Variants in PLXDC2 observed in about 807,000 individuals in gnomAD.
PLXDC2 encodes plexin domain-containing protein 2.
In PLXDC2, 40 loss-of-function variants were observed where a neutral mutation model predicts 68.9. The ratio of observed to expected loss-of-function variants is 0.58; its 90% confidence interval spans 0.45 to 0.76. The LOEUF is 0.76. Among genes scored for constraint, PLXDC2 ranks in the 30% least tolerant of loss-of-function variants. PLXDC2 has a pLI of 0.00. For synonymous variants in PLXDC2, 243 were observed against 234.2 expected (o/e 1.04, Z -0.34); for missense variants, 644 against 661.9 (o/e 0.97, Z 0.30).
At chr10:19,986,536 T>A (rs1177591346) in intron 1 of PLXDC2, among the ~76,000 whole-genome samples, 1 of 134,488 alleles carries the variant, frequency 7.4e-6, no homozygotes, top group African/African-American at 2.6e-5. Context: ...TGTTGATGGC[T>A]TAAAAAAAAA....
intron 1 of PLXDC2, among the ~76,000 whole-genome samples, chr10:19,879,290 T>C (rs1464030873): frequency 3.3e-5 from 5 of 152,168 alleles, no homozygotes; most frequent in African/African-American, 4.8e-5. Flanking sequence ...TTTGATGATT[T>C]ATAAAATACT....
At chr10:20,141,809 G>A (rs2248730) in intron 4 of PLXDC2, among the ~76,000 whole-genome samples, 137,907 of 151,860 alleles carry the variant, frequency 0.91, 62,795 homozygotes, top group Non-Finnish European at 0.94. Flanking sequence ...TGCTTGAGCT[G>A]TGTGAAATTA....
chr10:20,109,967 C>T, intron 4 of PLXDC2, among the ~76,000 whole-genome samples: 1 of 152,174 alleles, frequency 6.6e-6, no homozygotes, highest in East Asian at 1.9e-4. Context: ...GCTGAATCTG[C>T]TGCTTTTTCT....
chr10:19,823,544 A>G (rs1836517802), intron 1 of PLXDC2, among the ~76,000 whole-genome samples: 1 of 151,896 alleles, frequency 6.6e-6, no homozygotes, highest in Non-Finnish European at 1.5e-5. Context: ...TTAGCCAGGC[A>G]TGGTGGCATG....
At chr10:19,944,091 T>C (rs991144225) in intron 1 of PLXDC2, among the ~76,000 whole-genome samples, 8 of 152,244 alleles carry the variant, frequency 5.3e-5, no homozygotes, top group Non-Finnish European at 5.9e-5. Flanking sequence ...ATAACTGCAA[T>C]GTTCTCATGA....
At chr10:20,168,751 A>G (rs1360629426) in intron 7 of PLXDC2, among the ~76,000 whole-genome samples, 1 of 152,196 alleles carries the variant, frequency 6.6e-6, no homozygotes. Flanking sequence ...ATGTAAAAAT[A>G]TACTTATTAT....
At chr10:19,839,711 A>G (rs1234911355) in intron 1 of PLXDC2, among the ~76,000 whole-genome samples, 1 of 152,084 alleles carries the variant, frequency 6.6e-6, no homozygotes, top group East Asian at 1.9e-4. Flanking sequence ...ACCAATGGTA[A>G]CTGTTACTTT....
chr10:19,956,420 T>C lies in PLXDC2; in HGVS notation c.113-45355T>C, dbSNP rs533060579. Among the ~76,000 whole-genome samples the C allele has an allele frequency of 6.4e-4, 97 of 152,326 alleles. No homozygotes were observed. The South Asian group carries it at 0.019, about 30-fold the overall frequency. On this transcript the variant is annotated intron_variant, in intron 1 of 13. Coordinates refer to ENST00000377252, the MANE Select transcript of PLXDC2 (RefSeq NM_032812.9). ...TATATTACTAAACTTAATTTTACCT[T>C]TAAATTTACCTTTCAGAAAATGTAC...
intron 2 of PLXDC2, among the ~76,000 whole-genome samples, chr10:20,027,701 A>AG: frequency 6.6e-6 from 1 of 151,968 alleles, no homozygotes; most frequent in East Asian, 1.9e-4. Context: ...TGAAAAAAAA[A>AG]AAAACCCCAT....
intron 1 of PLXDC2, among the ~76,000 whole-genome samples, chr10:19,928,232 G>C (rs1479607593): frequency 6.6e-6 from 1 of 152,226 alleles, no homozygotes; most frequent in Admixed American, 6.5e-5. Context: ...CTTTGCAATT[G>C]TGAATTGTGC....
At chr10:20,101,349 G>A (rs7068493) in intron 4 of PLXDC2, among the ~76,000 whole-genome samples, 5,459 of 152,224 alleles carry the variant, frequency 0.036, 145 homozygotes, top group African/African-American at 0.072. Context: ...GTCAACTGTA[G>A]TCAATCGTTT....
chr10:20,062,939 A>T (rs1836131479), intron 3 of PLXDC2, among the ~76,000 whole-genome samples: 1 of 152,126 alleles, frequency 6.6e-6, no homozygotes, highest in South Asian at 2.1e-4. Flanking sequence ...TTAATACTTG[A>T]CGTAAATAAA....
intron 2 of PLXDC2, among the ~76,000 whole-genome samples, chr10:20,039,725 G>T (rs1404085155): frequency 6.6e-6 from 1 of 152,078 alleles, no homozygotes; most frequent in Non-Finnish European, 1.5e-5. Context: ...AAAGTAGTTT[G>T]CATATAATGT....
At chr10:20,038,871 A>G (rs980846477) in intron 2 of PLXDC2, among the ~76,000 whole-genome samples, 2 of 152,142 alleles carry the variant, frequency 1.3e-5, no homozygotes, top group African/African-American at 2.4e-5. Context: ...TTTATCTCAC[A>G]TTGCTTTCAA....
At chr10:20,212,091 G>T (rs1157200474) in intron 10 of PLXDC2, among the ~76,000 whole-genome samples, 1 of 151,958 alleles carries the variant, frequency 6.6e-6, no homozygotes, top group Non-Finnish European at 1.5e-5. Flanking sequence ...AGTGAGGGGA[G>T]CTTGTGGGGA....
Position 20,001,236 on chromosome 10 carries a change from A to G in PLXDC2, c.113-539A>G, listed in dbSNP as rs866582870. Among the ~76,000 whole-genome samples, 4 of 152,362 alleles carry G rather than the reference A, an allele frequency of 2.6e-5. No individual in the cohort carries two copies. The South Asian group carries it at 6.2e-4, about 24-fold the overall frequency. On this transcript the variant is annotated intron_variant, in intron 1 of 13. Coordinates refer to ENST00000377252, the MANE Select transcript of PLXDC2 (RefSeq NM_032812.9). ...ATGAATGAAGACTGGCTTGTAAGCT[A>G]CAAGGTAGTTTCGCCCATTTACACG...
intron 9 of PLXDC2, among the ~76,000 whole-genome samples, chr10:20,186,931 C>T (rs140064889): frequency 6.6e-6 from 1 of 151,762 alleles, no homozygotes; most frequent in East Asian, 1.9e-4. Flanking sequence ...GGTATATACC[C>T]AGTAATGGGA....
At chr10:20,188,462 A>G (rs1009538984) in intron 9 of PLXDC2, among the ~76,000 whole-genome samples, 1 of 151,774 alleles carries the variant, frequency 6.6e-6, no homozygotes, top group African/African-American at 2.4e-5. Flanking sequence ...ACAGCTCACT[A>G]AAGATTCATA....
chr10:20,024,384 T>G (rs1835362306), intron 2 of PLXDC2, among the ~76,000 whole-genome samples: 3 of 152,308 alleles, frequency 2.0e-5, no homozygotes, highest in Admixed American at 6.5e-5. Context: ...AACAGAACAC[T>G]GATGTGCTAT....
Sources: allele counts gnomAD v4.1 joint callset (sites outside exome capture counted in the v4.1 genomes callset), GRCh38; gene constraint gnomAD v4.1.1; transcripts MANE v1.5; gene names NCBI Gene and HGNC (gene_info 2026-07-23, HGNC 2026-07-21).